The following LARGE1 variants were observed in gnomAD, a reference collection of about 807,000 sequenced individuals.
LARGE1 encodes the protein LARGE xylosyl- and glucuronyltransferase 1.
In LARGE1, 43 loss-of-function variants were observed where a neutral mutation model predicts 87.6. The ratio of observed to expected loss-of-function variants is 0.49; its 90% CI spans 0.38 to 0.63. The LOEUF is 0.63. Among genes scored for constraint, LARGE1 ranks in the 30% least tolerant of loss-of-function variants. LARGE1 has a pLI of 0.00. For synonymous variants in LARGE1, 434 were observed against 394.6 expected (o/e 1.10, Z -1.18); for missense variants, 802 against 1,000.2 (o/e 0.80, Z 2.67).
At chr22:33,541,745 A>AT (rs2077216410) in intron 6 of LARGE1, among the ~76,000 whole-genome samples, 1 of 129,160 alleles carries the variant, frequency 7.7e-6, no homozygotes, top group African/African-American at 2.7e-5. Flanking sequence ...CTTTCCAAAA[A>AT]TTAAAAAAAA....
intron 5 of LARGE1, among the ~76,000 whole-genome samples, chr22:33,595,907 C>T (rs2078964422): frequency 6.6e-6 from 1 of 152,072 alleles, no homozygotes; most frequent in South Asian, 2.1e-4. Context: ...TCAGGTGGAC[C>T]AATGAGGAGA....
chr22:33,361,235 T>A lies in LARGE1; in HGVS notation c.1131+20684A>T, dbSNP rs960082329. ...AAAATAATAATAATAAATAAATAAA[T>A]AAAAATAAAAATAAACCATGTCTGG... On this transcript the variant is annotated intron_variant, in intron 9 of 14. Transcript: ENST00000397394. Among the ~76,000 whole-genome samples the A allele has an allele frequency of 5.1e-4, 76 of 148,536 alleles. 3 individuals carry two copies. Among genetic ancestry groups the A allele is most frequent in the African/African-American group, 1.8e-3 (74 of 40,444 alleles).
At chr22:33,266,920 G>T (rs1160380905) in intron 11 of LARGE1, among the ~76,000 whole-genome samples, 3 of 151,528 alleles carry the variant, frequency 2.0e-5, no homozygotes, top group Non-Finnish European at 4.4e-5. Context: ...ATCTCACCAA[G>T]CCTCAGTTTC....
intron 2 of LARGE1, among the ~76,000 whole-genome samples, chr22:33,742,241 G>C (rs1392937477): frequency 6.6e-6 from 1 of 152,130 alleles, no homozygotes; most frequent in Admixed American, 6.5e-5. Context: ...GGGATAATAG[G>C]ACCAGCCTCA....
chr22:33,071,467 T>C, the LARGE1 span, among the ~76,000 whole-genome samples: 1 of 152,178 alleles, frequency 6.6e-6, no homozygotes, highest in Non-Finnish European at 1.5e-5. Context: ...AAATTTTTGT[T>C]GTAGGGGGCA....
In LARGE1 at chr22:33,777,274, C is replaced by A. The variant is rs182472144; in HGVS notation, c.-82-15716G>T. ...ACTTGAATGCTCAGTGAAGGAGAAT[C>A]TGAACTTCCTTCCACAGTCCCTAGG... On this transcript the variant is annotated intron_variant, in intron 1 of 14. Coordinates refer to ENST00000397394, the MANE Select transcript of LARGE1 (RefSeq NM_133642.5). Among the ~76,000 whole-genome samples the A allele has an allele frequency of 2.8e-3, 420 of 152,250 alleles. 2 individuals are homozygous for A. Among genetic ancestry groups the A allele is most frequent in the African/African-American group, 9.8e-3 (409 of 41,552 alleles).
chr22:33,522,193 T>G (rs1444692201), intron 6 of LARGE1, among the ~76,000 whole-genome samples: 1 of 152,160 alleles, frequency 6.6e-6, no homozygotes, highest in African/African-American at 2.4e-5. Context: ...CCAAACTATA[T>G]CAAGCCCTTA....
rs967297416 is a variant in LARGE1, at chr22:33,679,384, G to T, written c.107-28716C>A. On this transcript the variant is annotated intron_variant, in intron 2 of 14. Coordinates refer to ENST00000397394, the MANE Select transcript of LARGE1 (RefSeq NM_133642.5). Reference sequence around the variant, plus strand: ...TGAAGACATAACTGGTTAAGATGAGGTCATACTGGAGTAGAAATGTCCACG... The same window carrying T: ...TGAAGACATAACTGGTTAAGATGAGTTCATACTGGAGTAGAAATGTCCACG... Among the ~76,000 whole-genome samples, 6 of 152,038 alleles carry T rather than the reference G, an allele frequency of 3.9e-5. No individual in the cohort carries two copies. The East Asian group carries it at 9.6e-4, about 24-fold the overall frequency.
intron 7 of LARGE1, among the ~76,000 whole-genome samples, chr22:33,413,380 T>A (rs1040040756): frequency 6.6e-6 from 1 of 152,116 alleles, no homozygotes; most frequent in Non-Finnish European, 1.5e-5. Context: ...TACATATATT[T>A]TATATATATG....
chr22:33,859,419 T>C (rs1206507970), intron 1 of LARGE1, among the ~76,000 whole-genome samples: 7 of 152,190 alleles, frequency 4.6e-5, no homozygotes, highest in African/African-American at 1.7e-4. Context: ...CCTTACATTG[T>C]GGCCTCTGGC....
At chr22:33,714,280 G>C (rs762798910) in intron 2 of LARGE1, among the ~76,000 whole-genome samples, 8 of 152,248 alleles carry the variant, frequency 5.3e-5, no homozygotes, top group African/African-American at 1.2e-4. Flanking sequence ...CTCGTTCAGA[G>C]AACAGCCTCA....
chr22:33,347,296 T>A (rs868517839), intron 9 of LARGE1, among the ~76,000 whole-genome samples: 1 of 152,350 alleles, frequency 6.6e-6, no homozygotes. Flanking sequence ...AGCATTGGGA[T>A]GTGAATTTCC....
At chr22:33,350,142 T>G (rs976964962) in intron 9 of LARGE1, among the ~76,000 whole-genome samples, 1 of 152,204 alleles carries the variant, frequency 6.6e-6, no homozygotes, top group Admixed American at 6.5e-5. Context: ...CATGAATCCA[T>G]GAGACAATTC....
At chr22:33,339,739 G>T (rs933443732) in intron 9 of LARGE1, among the ~76,000 whole-genome samples, 1 of 152,156 alleles carries the variant, frequency 6.6e-6, no homozygotes, top group African/African-American at 2.4e-5. Flanking sequence ...TGCACTCTTG[G>T]CTCACTGCAG....
chr22:33,356,853 C>G (rs1356246392), intron 9 of LARGE1, among the ~76,000 whole-genome samples: 2 of 152,022 alleles, frequency 1.3e-5, no homozygotes, highest in Non-Finnish European at 2.9e-5. Context: ...GGAAGAGTGC[C>G]TTTTTATGTG....
chr22:33,397,241 G>A (rs897935738), intron 7 of LARGE1, among the ~76,000 whole-genome samples: 2 of 151,968 alleles, frequency 1.3e-5, no homozygotes, highest in Non-Finnish European at 2.9e-5. Context: ...TCAGCCTCCC[G>A]AGTAGCTGGG....
chr22:33,369,937 A>T (rs1218403999), intron 9 of LARGE1, among the ~76,000 whole-genome samples: 1 of 100,972 alleles, frequency 9.9e-6, no homozygotes, highest in African/African-American at 9.4e-5. Context: ...GCCAAGATTA[A>T]AAAAAAAAAA....
At chr22:33,319,342 TC>T (rs1217567387) in intron 10 of LARGE1, among the ~76,000 whole-genome samples, 1 of 152,064 alleles carries the variant, frequency 6.6e-6, no homozygotes, top group Admixed American at 6.6e-5. Flanking sequence ...GCAGAGCAGC[TC>T]CTCCCCAATT....
chr22:33,362,132 C>T (rs1468647241), intron 9 of LARGE1, among the ~76,000 whole-genome samples: 1 of 149,190 alleles, frequency 6.7e-6, no homozygotes, highest in Non-Finnish European at 1.5e-5. Flanking sequence ...AAAGATGCTC[C>T]CTTGGGCCCT....
Sources: allele counts gnomAD v4.1 joint callset (sites outside exome capture counted in the v4.1 genomes callset), GRCh38; gene constraint gnomAD v4.1.1; transcripts MANE v1.5; gene names NCBI Gene and HGNC (gene_info 2026-07-23, HGNC 2026-07-21).